Variants in NALF1 observed in about 807,000 individuals in gnomAD.
NALF1 encodes family with sequence similarity 155 member A.
In NALF1, 3 loss-of-function variants were observed where a neutral mutation model predicts 48.4. That is an observed-to-expected ratio of 0.06 (90% CI 0.03 to 0.16). The LOEUF (loss-of-function observed/expected upper bound fraction) is 0.16. Ranked by LOEUF, NALF1 falls within the 10% of genes least tolerant of loss-of-function variation. NALF1 has a pLI of 1.00. For synonymous variants in NALF1, 262 were observed against 245.7 expected (o/e 1.07, Z -0.62); for missense variants, 526 against 571.5 (o/e 0.92, Z 0.81).
chr13:107,584,292 A>G (rs1878392582), intron 1 of NALF1, among the ~76,000 whole-genome samples: 1 of 152,200 alleles, frequency 6.6e-6, no homozygotes, highest in African/African-American at 2.4e-5. Context: ...ATTTAACAGA[A>G]ACTGTGATTT....
chr13:107,727,281 T>C (rs2138532708), intron 1 of NALF1, among the ~76,000 whole-genome samples: 1 of 152,188 alleles, frequency 6.6e-6, no homozygotes, highest in South Asian at 2.1e-4. Context: ...TCTGAAAACA[T>C]TAAAGTGAGT....
intron 1 of NALF1, among the ~76,000 whole-genome samples, chr13:107,849,733 T>C (rs1011369188): frequency 1.3e-5 from 2 of 152,226 alleles, no homozygotes; most frequent in Non-Finnish European, 2.9e-5. Context: ...TCAAAGAACC[T>C]GCCACTGTGT....
intron 1 of NALF1, among the ~76,000 whole-genome samples, chr13:107,706,361 G>A (rs909205328): frequency 5.3e-5 from 8 of 152,078 alleles, no homozygotes; most frequent in African/African-American, 1.9e-4. Context: ...ATGTGGACAC[G>A]CAGCTCTGGA....
Position 107,165,334 on chromosome 13 carries a change from C to T in NALF1, c.*5163G>A, listed in dbSNP as rs532433832. 2.0e-5 allele frequency: 3 copies of T among 152,114 alleles called. No individual in the cohort carries two copies. Among genetic ancestry groups the T allele is most frequent in the Non-Finnish European group, 4.4e-5 (3 of 68,028 alleles). 9.4% of individuals were successfully genotyped at this position (152,114 alleles called of 1,614,324 possible). ...TCTTGGAGTATGAAGAAAATCCATT[C>T]AACTCTTCAAGTGTGTCTGAGACCT... On this transcript the variant is annotated 3_prime_UTR_variant, in exon 3 of 3. Transcript: ENST00000375915.
intron 1 of NALF1, among the ~76,000 whole-genome samples, chr13:107,219,014 G>A (rs556111335): frequency 1.5e-3 from 221 of 152,254 alleles, no homozygotes; most frequent in African/African-American, 5.0e-3. Context: ...ATAAGGAAGC[G>A]TTTCCTTTGG....
chr13:107,725,086 A>C (rs1876109734), intron 1 of NALF1, among the ~76,000 whole-genome samples: 1 of 152,214 alleles, frequency 6.6e-6, no homozygotes, highest in Non-Finnish European at 1.5e-5. Flanking sequence ...AATACAATTG[A>C]CCGTTGTTTC....
chr13:107,331,403 T>G (rs909799718), intron 1 of NALF1, among the ~76,000 whole-genome samples: 13 of 152,212 alleles, frequency 8.5e-5, no homozygotes, highest in Non-Finnish European at 2.9e-5. Context: ...CTTATGATCC[T>G]ATACTTTCCT....
chr13:107,268,643 A>C (rs964420663), intron 1 of NALF1, among the ~76,000 whole-genome samples: 19 of 152,218 alleles, frequency 1.2e-4, no homozygotes, highest in African/African-American at 4.3e-4. Flanking sequence ...AAGCTCAATT[A>C]AAGTGGGACT....
intron 1 of NALF1, among the ~76,000 whole-genome samples, chr13:107,778,344 C>T (rs1391695484): frequency 6.6e-6 from 1 of 152,094 alleles, no homozygotes; most frequent in African/African-American, 2.4e-5. Context: ...AGAGTGTGCC[C>T]AGAGGAGGAA....
intron 1 of NALF1, among the ~76,000 whole-genome samples, chr13:107,722,831 C>T (rs1876025651): frequency 6.6e-6 from 1 of 152,196 alleles, no homozygotes; most frequent in Non-Finnish European, 1.5e-5. Context: ...CAGATTGTCA[C>T]CACATGGATG....
chr13:107,719,982 T>C (rs2094422070), intron 1 of NALF1, among the ~76,000 whole-genome samples: 1 of 152,136 alleles, frequency 6.6e-6, no homozygotes, highest in Non-Finnish European at 1.5e-5. Context: ...TTGCTTGGAA[T>C]GCCCTCCCCA....
At chr13:107,620,127 A>T (rs1270016095) in intron 1 of NALF1, among the ~76,000 whole-genome samples, 1 of 152,204 alleles carries the variant, frequency 6.6e-6, no homozygotes, top group African/African-American at 2.4e-5. Flanking sequence ...TTTCAAAAAA[A>T]TTCTCCTCTA....
intron 1 of NALF1, among the ~76,000 whole-genome samples, chr13:107,716,467 C>A (rs928020042): frequency 2.0e-5 from 3 of 152,196 alleles, no homozygotes; most frequent in Non-Finnish European, 4.4e-5. Context: ...ATTTTCAGTT[C>A]ATCCAGGGGC....
At chr13:107,619,071 T>C (rs1206278614) in intron 1 of NALF1, among the ~76,000 whole-genome samples, 1 of 152,218 alleles carries the variant, frequency 6.6e-6, no homozygotes, top group East Asian at 1.9e-4. Flanking sequence ...CACGTGTGGC[T>C]ACCAAGCACT....
At position 107,678,099 on chromosome 13, in the gene NALF1, C is replaced by T. The variant is rs556162294; in HGVS notation, c.915+187583G>A. Among the ~76,000 whole-genome samples the T allele has an allele frequency of 9.2e-5, 14 of 152,232 alleles. 1 individual carries two copies. In the South Asian group the frequency reaches 2.7e-3, roughly 29 times the overall value. On this transcript the variant is annotated intron_variant, in intron 1 of 2. Transcript: ENST00000375915. Reference sequence around the variant, plus strand: ...AAGTACAGAAATCTTAAAGTCTATCCCTTTTGTGTGTCAAAAGGAAAAATT... The same window carrying T: ...AAGTACAGAAATCTTAAAGTCTATCTCTTTTGTGTGTCAAAAGGAAAAATT...
intron 1 of NALF1, among the ~76,000 whole-genome samples, chr13:107,628,083 A>G (rs1457177129): frequency 6.6e-6 from 1 of 152,118 alleles, no homozygotes; most frequent in Admixed American, 6.6e-5. Flanking sequence ...TCTGTCTTCA[A>G]TGACACAGAG....
chr13:107,235,621 T>A (rs1880326019), intron 1 of NALF1, among the ~76,000 whole-genome samples: 2 of 152,194 alleles, frequency 1.3e-5, no homozygotes, highest in Admixed American at 1.3e-4. Context: ...AAGAGAAAAG[T>A]CCGTACATGT....
rs72657240 is a variant in NALF1, at chr13:107,768,162, A to G, written c.915+97520T>C. ...GAATCCATGATACTTCATTGATCCA[A>G]TGCCTCCTAGGATTATTTTGAGAAT... is the stretch of plus-strand genomic sequence containing the variant. On this transcript the variant is annotated intron_variant, in intron 1 of 2. Transcript: ENST00000375915. Among the ~76,000 whole-genome samples, 5,805 of 152,254 alleles carry G rather than the reference A, an allele frequency of 0.038. 554 individuals are homozygous for G. In the East Asian group the frequency reaches 0.43, roughly 11 times the overall value.
At chr13:107,740,310 CAAACAGAAACA>C (rs1157725605) in intron 1 of NALF1, among the ~76,000 whole-genome samples, 1 of 152,046 alleles carries the variant, frequency 6.6e-6, no homozygotes, top group East Asian at 1.9e-4. Flanking sequence ...CACCTTATTA[CAAACAGAAACA>C]AAACCATAGA....
Sources: allele counts gnomAD v4.1 joint callset (sites outside exome capture counted in the v4.1 genomes callset), GRCh38; gene constraint gnomAD v4.1.1; transcripts MANE v1.5; gene names NCBI Gene and HGNC (gene_info 2026-07-23, HGNC 2026-07-21).